Variants in SI observed in about 807,000 individuals in gnomAD.
SI encodes sucrase-isomaltase, intestinal.
SI carries 235 observed loss-of-function variants against 253.3 expected under a neutral mutation model. The observed-to-expected ratio is 0.93, with a 90% CI of 0.83 to 1.03. SI has a LOEUF of 1.03. Among genes scored for constraint, SI ranks in the 50% least tolerant of loss-of-function variants. The pLI is 0.00. For missense variants in SI, 2,442 were observed against 2,211.1 expected, an observed-to-expected ratio of 1.10 and a Z score of -2.09; for synonymous variants, 819 against 712.0, an observed-to-expected ratio of 1.15 and a Z score of -2.39.
At chr3:165,055,360 A>C (rs1713644739) in intron 12 of SI, 53 bp from the exon 13 acceptor site, 5 of 973,222 alleles carry the variant, frequency 5.1e-6, no homozygotes, top group African/African-American at 1.6e-5. Flanking sequence ...AAATAAATAA[A>C]TGGAATTTCA....
chr3:164,981,048 T>G (rs1433555395), intron 47 of SI, among the ~76,000 whole-genome samples: 1 of 152,034 alleles, frequency 6.6e-6, no homozygotes, highest in East Asian at 1.9e-4. Context: ...ATAAGACTAC[T>G]GGACTAGATC....
Position 164,982,108 on chromosome 3 carries a change from C to T in SI, c.5415+135G>A, listed in dbSNP as rs1228640533. ...AGTAATAAGGAAATAAATATGGAGG[C>T]CTAATGAAAAGGAATATATGAAGAA... is the stretch of plus-strand genomic sequence containing the variant. On this transcript the variant is annotated intron_variant, in intron 47 of 47. Coordinates refer to ENST00000264382, the MANE Select transcript of SI (RefSeq NM_001041.4). 15 of 641,796 alleles carry T rather than the reference C, an allele frequency of 2.3e-5. No individual in the cohort carries two copies. In the South Asian group the frequency reaches 3.0e-4, roughly 13 times the overall value. 39.8% of individuals were successfully genotyped at this position (641,796 alleles called of 1,614,324 possible).
At chr3:164,983,861 G>A (rs1717314216) in intron 45 of SI, among the ~76,000 whole-genome samples, 1 of 151,960 alleles carries the variant, frequency 6.6e-6, no homozygotes, top group South Asian at 2.1e-4. Flanking sequence ...CCAAAGAACT[G>A]AGATTACAGT....
upstream of SI, among the ~76,000 whole-genome samples, chr3:165,079,101 A>AT (rs1398462395): frequency 6.6e-6 from 1 of 151,620 alleles, no homozygotes; most frequent in African/African-American, 2.4e-5. Context: ...AAAAAATCAT[A>AT]TTGTAAACCT....
At chr3:165,077,442 T>A (rs369774893) in intron 1 of SI, among the ~76,000 whole-genome samples, 1 of 151,784 alleles carries the variant, frequency 6.6e-6, no homozygotes, top group African/African-American at 2.4e-5. Flanking sequence ...CAGAGAATAA[T>A]ATTAAGTAAG....
chr3:165,008,836 C>T (rs1348692797), intron 35 of SI, among the ~76,000 whole-genome samples: 2 of 151,520 alleles, frequency 1.3e-5, no homozygotes, highest in Non-Finnish European at 1.5e-5. Flanking sequence ...TATTTTTATG[C>T]TATCTAAAAA....
At chr3:165,039,047 G>C in intron 20 of SI, 31 bp downstream of exon 20, 1 of 1,386,440 alleles carries the variant, frequency 7.2e-7, no homozygotes, top group Non-Finnish European at 1.0e-6. Context: ...TATAATACTT[G>C]TGAGTCCATT....
At chr3:165,006,347 T>G (rs1216297320) in intron 37 of SI, among the ~76,000 whole-genome samples, 1 of 152,102 alleles carries the variant, frequency 6.6e-6, no homozygotes, top group African/African-American at 2.4e-5. Flanking sequence ...TGGTCTCAAT[T>G]GATCCGCCCG....
chr3:164,983,001 C>A lies in SI; in HGVS notation c.5247+1G>T. On this transcript the variant is annotated splice_donor_variant, in intron 46 of 47. Transcript: ENST00000264382. LOFTEE classifies it high-confidence loss of function. The stretch of plus-strand genomic sequence containing the variant: ...AATTGCATATAAATAATCTTACATA[C>A]CTGGTTTAAATTAAATTGTACAGAT... 2 of 1,552,718 alleles carry A rather than the reference C, an allele frequency of 1.3e-6. No homozygotes were observed. Among genetic ancestry groups the A allele is most frequent in the Non-Finnish European group, 8.8e-7 (1 of 1,133,378 alleles).
chr3:165,067,735 G>T (rs1560016836), intron 5 of SI, among the ~76,000 whole-genome samples: 1 of 151,900 alleles, frequency 6.6e-6, no homozygotes, highest in South Asian at 2.1e-4. Context: ...ATTAAGTACA[G>T]ATTTTTATTG....
chr3:165,065,254 T>G lies in SI; in HGVS notation c.807+7A>C, dbSNP rs1402627039. 2.5e-6 allele frequency: 4 copies of G among 1,571,394 alleles called. No individual in the cohort carries two copies. In the African/African-American group the frequency reaches 5.4e-5, roughly 21 times the overall value. On this transcript the variant is annotated splice_region_variant and intron_variant, in intron 7 of 47. Coordinates refer to ENST00000264382, the MANE Select transcript of SI (RefSeq NM_001041.4). ...TTTTATTTATAACAAGAAAAATAAT[T>G]TCTTACATCACCAGGAAGTTGGTCT...
chr3:165,033,023 T>C lies in SI; in HGVS notation c.2566-331A>G, dbSNP rs539117997. Among the ~76,000 whole-genome samples the C allele has an allele frequency of 6.6e-4, 100 of 151,574 alleles. 1 individual carries two copies. The highest frequency in any genetic ancestry group is 3.9e-3 in the South Asian group (19 of 4,824). On this transcript the variant is annotated intron_variant, in intron 23 of 47. Transcript: ENST00000264382. Reference sequence around the variant, plus strand: ...AAAATCTATGAAAAAATCATTTCTATTAACTATTCAAAATTTAATAAACCA... The same window carrying C: ...AAAATCTATGAAAAAATCATTTCTACTAACTATTCAAAATTTAATAAACCA...
At chr3:165,030,936 T>C (rs1256013217) in intron 24 of SI, 69 bp from the exon 25 acceptor site, 30 of 1,486,884 alleles carry the variant, frequency 2.0e-5, no homozygotes, top group Non-Finnish European at 2.7e-5. Flanking sequence ...CATTAAACAC[T>C]GTATCTGATC....
intron 41 of SI, among the ~76,000 whole-genome samples, chr3:164,993,449 T>C (rs1717865446): frequency 6.6e-6 from 1 of 151,764 alleles, no homozygotes; most frequent in African/African-American, 2.4e-5. Flanking sequence ...ACTTCTTATT[T>C]TGGTAAATTT....
At chr3:165,071,103 A>G (rs1021149596) in intron 3 of SI, among the ~76,000 whole-genome samples, 2 of 152,082 alleles carry the variant, frequency 1.3e-5, no homozygotes, top group Non-Finnish European at 2.9e-5. Context: ...CTACGACTAC[A>G]TCTTAACTAA....
chr3:165,059,723 T>C (rs970024764), intron 10 of SI, among the ~76,000 whole-genome samples, 179 bp downstream of exon 10: 1 of 152,022 alleles, frequency 6.6e-6, no homozygotes, highest in Non-Finnish European at 1.5e-5. Context: ...CATATATTTG[T>C]ACTTTCAGGA....
At position 165,068,974 on chromosome 3, in the gene SI, T is replaced by C. The variant is rs143627341; in HGVS notation, c.373+104A>G. On this transcript the variant is annotated intron_variant, in intron 4 of 47. Coordinates refer to ENST00000264382, the MANE Select transcript of SI (RefSeq NM_001041.4). Reference sequence around the variant, plus strand: ...ATGCAAAAATAAGGAATTTGAACATTCTCAGGAACATATTTCTTATTTGAT... The same window carrying C: ...ATGCAAAAATAAGGAATTTGAACATCCTCAGGAACATATTTCTTATTTGAT... 285 of 1,053,424 alleles carry C rather than the reference T, an allele frequency of 2.7e-4. 4 individuals are homozygous for C. The Middle Eastern group carries it at 6.6e-3, about 24-fold the overall frequency. 65.3% of individuals were successfully genotyped at this position (1,053,424 alleles called of 1,614,324 possible). A position where few individuals can be genotyped will look rare whatever the true frequency, so the allele number is the denominator to read the frequency against.
the SI span, among the ~76,000 whole-genome samples, chr3:165,087,123 A>T: frequency 8.0e-5 from 12 of 150,002 alleles, no homozygotes; most frequent in African/African-American, 2.7e-4. Flanking sequence ...AAATAGAAAC[A>T]AACGAACAAA....
At chr3:164,993,902 C>T (rs146014142) in intron 41 of SI, among the ~76,000 whole-genome samples, 1 of 151,486 alleles carries the variant, frequency 6.6e-6, no homozygotes, top group Non-Finnish European at 1.5e-5. Flanking sequence ...TGCAGTAAAC[C>T]GTGATTAATT....
Sources: gnomAD v4.1 joint callset for allele counts (sites outside exome capture counted in the v4.1 genomes callset) on GRCh38, gnomAD v4.1.1 for gene constraint, MANE v1.5 for transcripts, NCBI Gene and HGNC (gene_info 2026-07-23, HGNC 2026-07-21) for gene names.